The following METTL15 variants were observed in gnomAD, a reference collection of about 807,000 sequenced individuals.
METTL15 encodes the protein 12S rRNA N(4)-cytidine methyltransferase METTL15.
Under a neutral mutation model 38.3 loss-of-function variants are expected in METTL15, and 34 were observed. The observed-to-expected ratio is 0.89, with a 90% CI of 0.68 to 1.18. METTL15 has a LOEUF of 1.18. METTL15 is among the 50% of genes most tolerant of loss of function. METTL15 has a pLI of 0.00. For missense variants in METTL15, 438 were observed against 498.4 expected, an observed-to-expected ratio of 0.88 and a Z score of 1.15; for synonymous variants, 162 against 170.9, an observed-to-expected ratio of 0.95 and a Z score of 0.41.
At chr11:28,152,110 A>G (rs1178482943) in intron 3 of METTL15, among the ~76,000 whole-genome samples, 1 of 152,024 alleles carries the variant, frequency 6.6e-6, no homozygotes, top group Non-Finnish European at 1.5e-5. Flanking sequence ...CTCCTGGACC[A>G]CACCTGCTAC....
At chr11:28,307,517 G>A (rs939846252) in intron 6 of METTL15, among the ~76,000 whole-genome samples, 1 of 151,852 alleles carries the variant, frequency 6.6e-6, no homozygotes, top group East Asian at 1.9e-4. Flanking sequence ...CTTGCTATTA[G>A]GTAGACTCAG....
intron 6 of METTL15, among the ~76,000 whole-genome samples, chr11:28,510,735 T>G (rs1851667134): frequency 6.6e-6 from 1 of 152,194 alleles, no homozygotes; most frequent in Non-Finnish European, 1.5e-5. Flanking sequence ...TATCTCATTC[T>G]CACATCTTAT....
chr11:28,485,663 G>T (rs1851432251), intron 6 of METTL15, among the ~76,000 whole-genome samples: 1 of 152,170 alleles, frequency 6.6e-6, no homozygotes, highest in African/African-American at 2.4e-5. Flanking sequence ...CTTAATATGT[G>T]ATATGCATTT....
chr11:28,314,675 A>T (rs184510244), intron 6 of METTL15, among the ~76,000 whole-genome samples: 6 of 152,282 alleles, frequency 3.9e-5, no homozygotes, highest in African/African-American at 7.2e-5. Flanking sequence ...GCAAATGAAG[A>T]CATAGGTAGT....
intron 4 of METTL15, among the ~76,000 whole-genome samples, chr11:28,280,911 C>G (rs1457500472): frequency 6.7e-6 from 1 of 149,952 alleles, no homozygotes. Flanking sequence ...CTAGTTTGTC[C>G]TCTGTTTTCT....
chr11:28,185,606 T>C (rs1851465204), intron 3 of METTL15, among the ~76,000 whole-genome samples: 1 of 151,416 alleles, frequency 6.6e-6, no homozygotes, highest in Non-Finnish European at 1.5e-5. Flanking sequence ...AATATGTTGA[T>C]TGTTCTTTAA....
intron 3 of METTL15, among the ~76,000 whole-genome samples, chr11:28,205,185 C>T (rs950715625): frequency 2.0e-5 from 3 of 151,644 alleles, no homozygotes; most frequent in African/African-American, 7.3e-5. Context: ...ATACATGTGC[C>T]ATGCTGGTGT....
At position 28,433,163 on chromosome 11, in the gene METTL15, G is replaced by GTTTTTTTTTT. The variant is rs1209820099; in HGVS notation, c.*424+8807_*424+8808insTTTTTTTTTT. Among the ~76,000 whole-genome samples, 12 of 93,782 alleles carry GTTTTTTTTTT rather than the reference G, an allele frequency of 1.3e-4. 1 individual carries two copies. Among genetic ancestry groups the GTTTTTTTTTT allele is most frequent in the Non-Finnish European group, 1.7e-4 (6 of 34,788 alleles). 61.5% of individuals were successfully genotyped at this position (93,782 alleles called of 152,430 possible). ...CAGGACTTCTCTCAGGTTTTGTTTT[G>GTTTTTTTTTT]TTTTTTTTGTTTTTTTTTGGCTCTG... is the stretch of plus-strand genomic sequence containing the variant. On this transcript the variant is annotated intron_variant and NMD_transcript_variant, in intron 6 of 7. Coordinates refer to the METTL15 transcript ENST00000532947.
chr11:28,454,106 T>C (rs1299919261), intron 6 of METTL15, among the ~76,000 whole-genome samples: 1 of 152,258 alleles, frequency 6.6e-6, no homozygotes, highest in Non-Finnish European at 1.5e-5. Context: ...TGTTTCGTTA[T>C]ATCACTCAAG....
intron 4 of METTL15, among the ~76,000 whole-genome samples, chr11:28,237,200 C>A (rs1854031924): frequency 6.6e-6 from 1 of 152,108 alleles, no homozygotes; most frequent in South Asian, 2.1e-4. Context: ...AGAGTGTTTT[C>A]CAACTTGGTT....
chr11:28,336,318 C>G (rs1849900289), downstream of METTL15, among the ~76,000 whole-genome samples: 1 of 152,104 alleles, frequency 6.6e-6, no homozygotes, highest in African/African-American at 2.4e-5. Flanking sequence ...AGTATTTGTC[C>G]TCCTCCACCT....
chr11:28,369,510 G>A (rs1393257333), intron 5 of METTL15, among the ~76,000 whole-genome samples: 4 of 151,964 alleles, frequency 2.6e-5, no homozygotes, highest in Non-Finnish European at 4.4e-5. Context: ...TAATCAAACC[G>A]TCCAAAGGCA....
chr11:28,231,593 C>T (rs1853686473), intron 4 of METTL15, among the ~76,000 whole-genome samples: 1 of 151,848 alleles, frequency 6.6e-6, no homozygotes, highest in South Asian at 2.1e-4. Context: ...AGATTCATCT[C>T]TTACAATTTT....
chr11:28,390,230 T>C (rs1232962472), intron 5 of METTL15, among the ~76,000 whole-genome samples: 8 of 151,526 alleles, frequency 5.3e-5, no homozygotes, highest in Admixed American at 3.3e-4. Context: ...CTCTTTAGTT[T>C]AATTAGATCC....
chr11:28,137,828 T>G (rs1849564943), intron 3 of METTL15, among the ~76,000 whole-genome samples: 1 of 152,164 alleles, frequency 6.6e-6, no homozygotes, highest in South Asian at 2.1e-4. Flanking sequence ...AAGCACTTAT[T>G]TTTCTTTAGG....
intron 3 of METTL15, among the ~76,000 whole-genome samples, chr11:28,340,253 C>A (rs11030282): frequency 0.14 from 21,967 of 151,930 alleles, 1,772 homozygotes; most frequent in East Asian, 0.28. Context: ...ATTGAGCAAT[C>A]CATTACTCTC....
At chr11:28,321,107 A>G (rs1849452112) in intron 6 of METTL15, among the ~76,000 whole-genome samples, 2 of 152,148 alleles carry the variant, frequency 1.3e-5, no homozygotes, top group South Asian at 2.1e-4. Context: ...TTAAATTAAC[A>G]TATCAAATCC....
At chr11:28,459,321 C>A (rs1377660248) in intron 6 of METTL15, among the ~76,000 whole-genome samples, 1 of 152,044 alleles carries the variant, frequency 6.6e-6, no homozygotes, top group East Asian at 1.9e-4. Flanking sequence ...TAATTTCAAT[C>A]TAAATTCTAT....
rs562261186 is a variant in METTL15 at position 28,339,073 on chromosome 11, G to T, written c.*190-13017G>T. On this transcript the variant is annotated intron_variant and NMD_transcript_variant, in intron 3 of 7. Transcript: ENST00000532947. ...AACCAAACTGGACCTTGAAGGAATTGGAGCTCAGTTTTAAATCATCTTAGC... is the reference window on the plus strand; with the variant it reads ...AACCAAACTGGACCTTGAAGGAATTTGAGCTCAGTTTTAAATCATCTTAGC... Among the ~76,000 whole-genome samples, 3 of 152,192 alleles carry T rather than the reference G, an allele frequency of 2.0e-5. No homozygotes were observed. In the South Asian group the frequency reaches 6.2e-4, roughly 32 times the overall value.
Sources: allele counts gnomAD v4.1 joint callset (sites outside exome capture counted in the v4.1 genomes callset), GRCh38; gene constraint gnomAD v4.1.1; transcripts MANE v1.5; gene names NCBI Gene and HGNC (gene_info 2026-07-23, HGNC 2026-07-21).